FMN2: variants seen among roughly 807,000 people sequenced by gnomAD.
FMN2 encodes the protein formin 2, also known as formin-2.
Under a neutral mutation model 142.3 loss-of-function variants are expected in FMN2, and 51 were observed. That is an observed-to-expected ratio of 0.36 (90% CI 0.29 to 0.45). FMN2 has a LOEUF of 0.45. FMN2 is among the 20% of genes least tolerant of loss of function. FMN2 has a pLI of 1.00. For synonymous variants in FMN2, 882 were observed against 869.8 expected, an observed-to-expected ratio of 1.01 and a Z score of -0.25; for missense variants, 1,936 against 2,122.8, an observed-to-expected ratio of 0.91 and a Z score of 1.73.
At chr1:240,460,120 G>A (rs917960991) in intron 16 of FMN2, among the ~76,000 whole-genome samples, 1 of 152,182 alleles carries the variant, frequency 6.6e-6, no homozygotes, top group African/African-American at 2.4e-5. Flanking sequence ...CTTTTTCAAA[G>A]ATGAACGCTA....
chr1:240,269,061 C>A (rs1045901685), intron 7 of FMN2, among the ~76,000 whole-genome samples: 2 of 151,802 alleles, frequency 1.3e-5, no homozygotes, highest in African/African-American at 2.4e-5. Context: ...TGATGCCATC[C>A]CATTTGTCTA....
At chr1:240,142,683 G>C in intron 2 of FMN2, 1 of 1,610,608 alleles carries the variant, frequency 6.2e-7, no homozygotes, top group African/African-American at 1.3e-5. Context: ...ATCATAATTG[G>C]GGTTCTTCCG....
chr1:240,332,324 G>A (rs1287721434), intron 11 of FMN2, among the ~76,000 whole-genome samples: 2 of 151,550 alleles, frequency 1.3e-5, no homozygotes, highest in African/African-American at 4.9e-5. Context: ...CTACTTGGGA[G>A]GACTTTTCAA....
chr1:240,321,300 G>A (rs1476392660), intron 8 of FMN2, among the ~76,000 whole-genome samples: 1 of 152,116 alleles, frequency 6.6e-6, no homozygotes, highest in Non-Finnish European at 1.5e-5. Flanking sequence ...TGTTACCAAG[G>A]ATAAAGTCTA....
intron 7 of FMN2, among the ~76,000 whole-genome samples, chr1:240,269,302 T>C (rs1329791793): frequency 1.3e-5 from 2 of 152,118 alleles, no homozygotes; most frequent in Non-Finnish European, 2.9e-5. Context: ...AAATAGGCTG[T>C]CCTTTCCCCA....
chr1:240,465,872 CTG>C, intron 16 of FMN2, among the ~76,000 whole-genome samples: 1 of 152,266 alleles, frequency 6.6e-6, no homozygotes, highest in African/African-American at 2.4e-5. Context: ...TTTCTTTTCT[CTG>C]TATCTATGCC....
At chr1:240,217,334 T>C (rs1422751379) in intron 6 of FMN2, among the ~76,000 whole-genome samples, 1 of 152,216 alleles carries the variant, frequency 6.6e-6, no homozygotes, top group Non-Finnish European at 1.5e-5. Context: ...AGAAGACATG[T>C]TTTGTATTGG....
chr1:240,382,435 C>T (rs547876770), intron 14 of FMN2, among the ~76,000 whole-genome samples: 24 of 152,074 alleles, frequency 1.6e-4, no homozygotes, highest in African/African-American at 5.3e-4. Context: ...TCAAGGAGGG[C>T]GGATCACCTG....
At position 240,441,062 on chromosome 1, in the gene FMN2, T is replaced by C. The variant is rs974466768; in HGVS notation, c.5060+2852T>C. The stretch of plus-strand genomic sequence containing the variant: ...CACACTGGAGTGCGGTGGCGCGATC[T>C]TGGCTCACTGCAACCTCTGCCTCCC... On this transcript the variant is annotated intron_variant, in intron 16 of 17. Transcript: ENST00000319653. Among the ~76,000 whole-genome samples the C allele has an allele frequency of 4.0e-5, 6 of 150,906 alleles. No individual in the cohort carries two copies. The South Asian group carries it at 1.3e-3, about 32-fold the overall frequency.
intron 5 of FMN2, among the ~76,000 whole-genome samples, chr1:240,209,279 C>T (rs557240243): frequency 2.1e-4 from 31 of 148,374 alleles, no homozygotes; most frequent in African/African-American, 7.5e-4. Flanking sequence ...GGGACGGAGT[C>T]TCGCTCTGTC....
chr1:240,103,128 A>G (rs1432020179), intron 1 of FMN2, among the ~76,000 whole-genome samples: 2 of 152,144 alleles, frequency 1.3e-5, no homozygotes, highest in Non-Finnish European at 2.9e-5. Context: ...GGCCTCCCAA[A>G]ATGCTGGGAT....
At chr1:240,146,323 G>A (rs1390273294) in intron 2 of FMN2, among the ~76,000 whole-genome samples, 1 of 151,398 alleles carries the variant, frequency 6.6e-6, no homozygotes, top group Admixed American at 6.6e-5. Flanking sequence ...GAACCCAGGA[G>A]GCGGAGGTTG....
chr1:240,135,931 G>C (rs1662920143), intron 2 of FMN2, among the ~76,000 whole-genome samples: 1 of 150,752 alleles, frequency 6.6e-6, no homozygotes, highest in Non-Finnish European at 1.5e-5. Flanking sequence ...TGCCCACCCC[G>C]GCCTCCCAAA....
chr1:240,332,640 T>A (rs1251750135), intron 11 of FMN2, among the ~76,000 whole-genome samples: 1 of 152,210 alleles, frequency 6.6e-6, no homozygotes, highest in East Asian at 1.9e-4. Context: ...CAAGAGGTAA[T>A]CTAAAATAAA....
chr1:240,407,672 T>G (rs1674257269), intron 15 of FMN2, among the ~76,000 whole-genome samples: 1 of 152,164 alleles, frequency 6.6e-6, no homozygotes, highest in Admixed American at 6.5e-5. Context: ...GCAGATTTGT[T>G]CCCCTAAAGA....
At chr1:240,141,092 A>C (rs1663161895) in intron 2 of FMN2, among the ~76,000 whole-genome samples, 1 of 152,222 alleles carries the variant, frequency 6.6e-6, no homozygotes, top group Admixed American at 6.5e-5. Context: ...TTGGTAGTTA[A>C]TGGCCCTGTA....
chr1:240,370,223 G>A (rs1049254770), intron 14 of FMN2, among the ~76,000 whole-genome samples: 1 of 151,918 alleles, frequency 6.6e-6, no homozygotes, highest in Non-Finnish European at 1.5e-5. Context: ...ATCCAACTCA[G>A]CCATGCATTC....
chr1:240,108,198 G>A (rs911042452), intron 1 of FMN2, among the ~76,000 whole-genome samples: 1 of 152,132 alleles, frequency 6.6e-6, no homozygotes, highest in African/African-American at 2.4e-5. Flanking sequence ...CATCATCCTT[G>A]TGTGTTTTGT....
intron 15 of FMN2, among the ~76,000 whole-genome samples, chr1:240,408,534 T>A (rs144912454): frequency 2.0e-5 from 3 of 152,064 alleles, no homozygotes; most frequent in Non-Finnish European, 4.4e-5. Context: ...ATATCCCATG[T>A]TTTTTTTCTG....
Sources: gnomAD v4.1 joint callset for allele counts (sites outside exome capture counted in the v4.1 genomes callset) on GRCh38, gnomAD v4.1.1 for gene constraint, MANE v1.5 for transcripts, NCBI Gene and HGNC (gene_info 2026-07-23, HGNC 2026-07-21) for gene names.